ANXA6: variants seen among roughly 807,000 people sequenced by gnomAD.
The protein encoded by ANXA6 is annexin A6, also known as 67 kDa calelectrin.
A neutral mutation model predicts 95.4 loss-of-function variants in ANXA6; 71 were observed. The observed-to-expected ratio is 0.74, with a 90% CI of 0.61 to 0.91. ANXA6 has a LOEUF of 0.91. ANXA6 is among the 40% of genes least tolerant of loss of function. The probability of loss-of-function intolerance (pLI) is 0.00; values close to 1 mark genes in which losing one functional copy is unlikely to be tolerated. For synonymous variants in ANXA6, 289 were observed against 315.9 expected (o/e 0.91, Z 0.90); for missense variants, 830 against 876.4 (o/e 0.95, Z 0.67).
intron 19 of ANXA6, among the ~76,000 whole-genome samples, 183 bp downstream of exon 19, chr5:151,117,575 C>T (rs986971510): frequency 6.6e-6 from 1 of 152,176 alleles, no homozygotes; most frequent in African/African-American, 2.4e-5. Flanking sequence ...GGTGGTACCA[C>T]GCCAACTTTG....
intron 20 of ANXA6, among the ~76,000 whole-genome samples, chr5:151,116,317 C>T (rs80238172): frequency 0.13 from 20,083 of 151,912 alleles, 1,412 homozygotes; most frequent in East Asian, 0.2. Flanking sequence ...CTTTTGGGGG[C>T]GGGAAAATGA....
At chr5:151,142,869 CA>C (rs1284122745) in intron 2 of ANXA6, among the ~76,000 whole-genome samples, 2 of 152,228 alleles carry the variant, frequency 1.3e-5, no homozygotes, top group Non-Finnish European at 2.9e-5. Context: ...AAGATGCCAC[CA>C]GGGGCAGGTC....
At chr5:151,102,564 C>G (rs1764578334) in intron 25 of ANXA6, among the ~76,000 whole-genome samples, 1 of 152,104 alleles carries the variant, frequency 6.6e-6, no homozygotes, top group African/African-American at 2.4e-5. Flanking sequence ...ATTAGCCAGG[C>G]ATAGTGATGC....
At chr5:151,105,182 T>G in intron 24 of ANXA6, 63 bp downstream of exon 24, 1 of 1,428,734 alleles carries the variant, frequency 7.0e-7, no homozygotes, top group Non-Finnish European at 9.9e-7. Context: ...TGCACATCTG[T>G]GTGTTTGTGT....
Position 151,136,310 on chromosome 5 carries a change from G to A in ANXA6, c.435C>T (p.Asp145=). The A allele has an allele frequency of 1.9e-6, 3 of 1,613,986 alleles. No individual in the cohort carries two copies. The highest frequency in any genetic ancestry group is 2.5e-6 in the Non-Finnish European group (3 of 1,179,882). Residue 145 remains aspartate, a synonymous_variant, in exon 7 of 26, where the codon GAC becomes GAT. Coordinates refer to ENST00000354546, the MANE Select transcript of ANXA6 (RefSeq NM_001155.5). ...KDAYERDLEA[D]IIGDTSGHFQ... The stretch of plus-strand genomic sequence containing the variant: ...AGTGGCCAGAGGTGTCGCCGATGAT[G>A]TCAGCCTCCAGGTCCCGCTCGTAGG...
chr5:151,128,005 A>C (rs890539846), intron 13 of ANXA6, among the ~76,000 whole-genome samples, 176 bp downstream of exon 13: 1 of 152,116 alleles, frequency 6.6e-6, no homozygotes, highest in East Asian at 1.9e-4. Context: ...ACTCTCAGAC[A>C]CACAGACCCA....
At chr5:151,105,865 C>T (rs1264457433) in intron 23 of ANXA6, among the ~76,000 whole-genome samples, 1 of 152,150 alleles carries the variant, frequency 6.6e-6, no homozygotes, top group Admixed American at 6.5e-5. Context: ...CTGGGACACT[C>T]CAGGTTTTAT....
At chr5:151,141,621 A>G (rs1765837299) in intron 2 of ANXA6, 2 of 985,076 alleles carry the variant, frequency 2.0e-6, no homozygotes, top group Admixed American at 6.2e-5. Flanking sequence ...GCACTGCAGG[A>G]CCCCGGCCAG....
chr5:151,134,394 GT>G, intron 8 of ANXA6, 32 bp downstream of exon 8: 1 of 1,611,836 alleles, frequency 6.2e-7, no homozygotes, highest in Non-Finnish European at 8.5e-7. Flanking sequence ...CTCTTCTGCT[GT>G]GCCTCAGGGA....
chr5:151,139,789 GT>G (rs1319676841), intron 3 of ANXA6, among the ~76,000 whole-genome samples: 2 of 152,132 alleles, frequency 1.3e-5, no homozygotes, highest in African/African-American at 2.4e-5. Context: ...CCAGTACAGG[GT>G]TCTTTCCACC....
intron 23 of ANXA6, among the ~76,000 whole-genome samples, 151 bp from the exon 24 acceptor site, chr5:151,105,454 T>C (rs1381658479): frequency 6.6e-6 from 1 of 152,148 alleles, no homozygotes; most frequent in Non-Finnish European, 1.5e-5. Flanking sequence ...ACGACACCTT[T>C]GCTCCCCTTC....
chr5:151,106,157 T>TAC (rs1205037493), intron 23 of ANXA6, among the ~76,000 whole-genome samples: 4 of 152,144 alleles, frequency 2.6e-5, no homozygotes, highest in Non-Finnish European at 4.4e-5. Flanking sequence ...CCCTGCTCCC[T>TAC]ACCCTGGCTG....
chr5:151,101,115 A>G lies in ANXA6; in HGVS notation c.*333T>C. The G allele has an allele frequency of 1.9e-6, 1 of 515,444 alleles. No individual in the cohort carries two copies. The highest frequency in any genetic ancestry group is 3.7e-6 in the Non-Finnish European group (1 of 271,134). The allele number at this position is 515,444 out of a possible 1,614,324, so 31.9% of individuals were successfully genotyped here. ...TACAGACACTACTCATTTTACAGAC[A>G]GAGGTTCAGGATGTTTTTGGATCTG... On this transcript the variant is annotated 3_prime_UTR_variant, in exon 26 of 26. Transcript: ENST00000354546.
intron 4 of ANXA6, 35 bp from the exon 5 acceptor site, chr5:151,138,826 A>G: frequency 1.4e-6 from 2 of 1,439,366 alleles, no homozygotes; most frequent in South Asian, 2.3e-5. Flanking sequence ...ATAGAAGAGG[A>G]AAGAGGAAGA....
chr5:151,101,330 A>ACCCCCCCCCC lies in ANXA6; in HGVS notation c.*117_*118insGGGGGGGGGG. On this transcript the variant is annotated 3_prime_UTR_variant, in exon 26 of 26. Transcript: ENST00000354546. ...CCACTGAAGATAAGAGCCCAACCCAACCCCTCCCCCCACCCCTGCCCCTTC... is the reference window on the plus strand; with the variant it reads ...CCACTGAAGATAAGAGCCCAACCCAACCCCCCCCCCCCCCTCCCCCCACCCCTGCCCCTTC... 3 of 385,868 alleles carry ACCCCCCCCCC rather than the reference A, an allele frequency of 7.8e-6. No homozygotes were observed. Among genetic ancestry groups the ACCCCCCCCCC allele is most frequent in the South Asian group, 1.9e-5 (1 of 52,342 alleles). 23.9% of individuals were successfully genotyped at this position (385,868 alleles called of 1,614,324 possible). A position where few individuals can be genotyped will look rare whatever the true frequency, so the allele number is the denominator to read the frequency against.
intron 23 of ANXA6, among the ~76,000 whole-genome samples, chr5:151,107,502 CA>C (rs1325239301): frequency 1.3e-4 from 20 of 152,226 alleles, no homozygotes; most frequent in African/African-American, 4.3e-4. Flanking sequence ...ACACCCCTAC[CA>C]CCACCTCTAC....
In ANXA6 at chr5:151,137,214, C is replaced by G; in HGVS notation, c.409+17G>C. 1 of 1,610,766 alleles carries G rather than the reference C, an allele frequency of 6.2e-7. No homozygotes were observed. The highest frequency in any genetic ancestry group is 8.5e-7 in the Non-Finnish European group (1 of 1,177,456). On this transcript the variant is annotated intron_variant, in intron 6 of 25. Coordinates refer to ENST00000354546, the MANE Select transcript of ANXA6 (RefSeq NM_001155.5). ...TTGTATCTGAAGATCCTAAGCGGCC[C>G]CTCCTGCCCATCTCACCATCTTTGT...
intron 18 of ANXA6, 147 bp from the exon 19 acceptor site, chr5:151,117,984 C>A (rs1186187358): frequency 6.3e-6 from 4 of 632,572 alleles, no homozygotes; most frequent in Admixed American, 4.8e-5. Context: ...CTCATGGGGG[C>A]ATCCAGCCAT....
intron 2 of ANXA6, among the ~76,000 whole-genome samples, chr5:151,145,630 C>A (rs1033115411): frequency 1.3e-5 from 2 of 152,150 alleles, no homozygotes; most frequent in South Asian, 2.1e-4. Flanking sequence ...TGTATACATG[C>A]ATGCATGTGT....
Sources: allele counts gnomAD v4.1 joint callset (sites outside exome capture counted in the v4.1 genomes callset), GRCh38; gene constraint gnomAD v4.1.1; transcripts MANE v1.5; gene names NCBI Gene and HGNC (gene_info 2026-07-23, HGNC 2026-07-21).